RTL4: variants seen among roughly 807,000 people sequenced by gnomAD.
The protein encoded by RTL4 is retrotransposon Gag-like protein 4.
In RTL4, 4 loss-of-function variants were observed where a neutral mutation model predicts 5.3. That is an observed-to-expected ratio of 0.75 (90% CI 0.37 to 1.72). The LOEUF (loss-of-function observed/expected upper bound fraction) is 1.72. Ranked by LOEUF, RTL4 falls within the 40% of genes most tolerant of loss-of-function variation. RTL4 has a pLI of 0.04. For synonymous variants in RTL4, 98 were observed against 87.3 expected, an observed-to-expected ratio of 1.12 and a Z score of -0.68; for missense variants, 260 against 227.1, an observed-to-expected ratio of 1.14 and a Z score of -0.93.
chrX:112,158,835 G>C, the RTL4 span, among the ~76,000 whole-genome samples: 1 of 111,372 alleles, frequency 9.0e-6, no homozygotes, highest in South Asian at 3.7e-4. Flanking sequence ...TCAATTCCTA[G>C]AAGCAAAAAC....
At chrX:112,353,435 A>G in the RTL4 span, among the ~76,000 whole-genome samples, 1 of 111,530 alleles carries the variant, frequency 9.0e-6, no homozygotes, top group Non-Finnish European at 1.9e-5. Flanking sequence ...AACCAACCCA[A>G]ATATCCAACA....
the RTL4 span, among the ~76,000 whole-genome samples, chrX:112,140,216 AC>A: frequency 9.0e-6 from 1 of 111,479 alleles, no homozygotes; most frequent in Non-Finnish European, 1.9e-5. Context: ...ACTTTCTGGC[AC>A]TACAAGATGC....
chrX:112,232,249 A>G, the RTL4 span, among the ~76,000 whole-genome samples: 4 of 111,610 alleles, frequency 3.6e-5, no homozygotes. Context: ...TTTAAGCTCT[A>G]CCATCACCTT....
At chrX:112,118,258 C>A in the RTL4 span, among the ~76,000 whole-genome samples, 2 of 112,099 alleles carry the variant, frequency 1.8e-5, no homozygotes, top group Non-Finnish European at 3.8e-5. Flanking sequence ...AGATGTTGAT[C>A]TGTTCTGTAA....
At chrX:112,375,381 C>T in the RTL4 span, among the ~76,000 whole-genome samples, 1 of 111,078 alleles carries the variant, frequency 9.0e-6, no homozygotes, top group Non-Finnish European at 1.9e-5. Context: ...GCCTCTCTTT[C>T]CTGCTCATGG....
the RTL4 span, among the ~76,000 whole-genome samples, chrX:112,194,804 G>T: frequency 1.8e-5 from 2 of 111,881 alleles, no homozygotes; most frequent in Non-Finnish European, 3.8e-5. Context: ...CACCTGAAAA[G>T]ATAACTACGG....
the RTL4 span, among the ~76,000 whole-genome samples, chrX:112,405,705 C>T: frequency 1.0e-5 from 1 of 99,510 alleles, no homozygotes; most frequent in Non-Finnish European, 2.0e-5. Flanking sequence ...TTGTCCTCCC[C>T]CTGCAAGGAC....
the RTL4 span, among the ~76,000 whole-genome samples, chrX:112,243,360 A>T: frequency 1.8e-5 from 2 of 110,805 alleles, no homozygotes; most frequent in Non-Finnish European, 3.8e-5. Context: ...ATTAATTATT[A>T]CCTAAATTTC....
chrX:112,128,998 G>A, the RTL4 span, among the ~76,000 whole-genome samples: 1 of 111,012 alleles, frequency 9.0e-6, no homozygotes, highest in Non-Finnish European at 1.9e-5. Context: ...CAACAAAAGG[G>A]CAAACAATCC....
chrX:112,245,464 C>A, the RTL4 span, among the ~76,000 whole-genome samples: 11 of 111,450 alleles, frequency 9.9e-5, no homozygotes, highest in South Asian at 7.7e-4. Flanking sequence ...ATCACTGATA[C>A]CCTTTCTTCC....
chrX:112,086,406 G>A, the RTL4 span, among the ~76,000 whole-genome samples: 1 of 112,531 alleles, frequency 8.9e-6, no homozygotes, highest in Non-Finnish European at 1.9e-5. Flanking sequence ...GAAATGGAAT[G>A]TAAAAAGAGG....
At chrX:112,431,082 T>G in the RTL4 span, among the ~76,000 whole-genome samples, 1 of 111,074 alleles carries the variant, frequency 9.0e-6, no homozygotes, top group South Asian at 3.9e-4. Flanking sequence ...TCACCAGTGT[T>G]TCTGTTTTCT....
At chrX:112,361,324 A>C in the RTL4 span, among the ~76,000 whole-genome samples, 1 of 110,895 alleles carries the variant, frequency 9.0e-6, no homozygotes, top group Non-Finnish European at 1.9e-5. Context: ...CAGTCTCTCT[A>C]CTCCTATTCC....
the RTL4 span, among the ~76,000 whole-genome samples, chrX:112,192,767 GA>G: frequency 9.1e-6 from 1 of 110,469 alleles, no homozygotes; most frequent in African/African-American, 3.3e-5. Flanking sequence ...GTCTTATATA[GA>G]AAAAAAATGA....
the RTL4 span, among the ~76,000 whole-genome samples, chrX:112,198,669 T>C: frequency 5.4e-5 from 6 of 111,405 alleles, no homozygotes; most frequent in African/African-American, 2.0e-4. Flanking sequence ...GCCCTTCCAG[T>C]CACCCATCCA....
the RTL4 span, among the ~76,000 whole-genome samples, chrX:112,162,996 A>T: frequency 8.9e-6 from 1 of 111,946 alleles, no homozygotes; most frequent in African/African-American, 3.2e-5. Flanking sequence ...AGCACCTGGC[A>T]CACAGTGTTC....
the RTL4 span, among the ~76,000 whole-genome samples, chrX:112,197,398 C>T: frequency 9.1e-6 from 1 of 110,462 alleles, no homozygotes; most frequent in Non-Finnish European, 1.9e-5. Context: ...TTGGCCTTAT[C>T]TGGTACAACT....
the RTL4 span, among the ~76,000 whole-genome samples, chrX:112,180,897 C>T: frequency 1.8e-5 from 2 of 112,085 alleles, no homozygotes; most frequent in African/African-American, 6.5e-5. Context: ...GCAAGATGGC[C>T]GAATCGGGAC....
At chrX:112,155,515 T>C in the RTL4 span, among the ~76,000 whole-genome samples, 1,278 of 110,951 alleles carry the variant, frequency 0.012, 17 homozygotes, top group African/African-American at 0.04. Context: ...AGAATAGTTG[T>C]TTTGGGAGGT....
Sources: gnomAD v4.1 joint callset for allele counts (sites outside exome capture counted in the v4.1 genomes callset) on GRCh38, gnomAD v4.1.1 for gene constraint, MANE v1.5 for transcripts, NCBI Gene and HGNC (gene_info 2026-07-23, HGNC 2026-07-21) for gene names.